The following RIPPLY3 variants were observed in gnomAD, a reference collection of about 807,000 sequenced individuals.
RIPPLY3 encodes the protein protein ripply3.
RIPPLY3 carries 8 observed loss-of-function variants against 11.9 expected under a neutral mutation model. That is an observed-to-expected ratio of 0.67 (90% CI 0.40 to 1.21). The LOEUF (loss-of-function observed/expected upper bound fraction) is 1.21, where lower values mean the gene tolerates loss of function less well. Ranked by LOEUF, RIPPLY3 falls within the 50% of genes most tolerant of loss-of-function variation. RIPPLY3 has a pLI of 0.01. For missense variants in RIPPLY3, 271 were observed against 246.0 expected (o/e 1.10, Z -0.68); for synonymous variants, 102 against 99.0 (o/e 1.03, Z -0.18).
Position 37,018,054 on chromosome 21 carries a change from G to T in RIPPLY3, c.420G>T (p.Val140=). 1 of 1,614,098 alleles carries T rather than the reference G, an allele frequency of 6.2e-7. No individual in the cohort carries two copies. ...CCCTCCATCTTCTGCCCCAGGAGGT[G>T]GGAGGTCGGCAGGAAAATGGCCCAG... The part of the protein sequence containing the change: ...PPPLHLLPQE[V]GGRQENGPGG... The change falls in exon 4 of 4, where the codon GTG becomes GTT. Residue 140 remains valine, a synonymous_variant. Coordinates refer to ENST00000329553, the MANE Select transcript of RIPPLY3 (RefSeq NM_018962.3).
At chr21:37,010,253 A>G (rs2146773994) in intron 2 of RIPPLY3, among the ~76,000 whole-genome samples, 1 of 152,260 alleles carries the variant, frequency 6.6e-6, no homozygotes, top group South Asian at 2.1e-4. Flanking sequence ...GCACTTTGGG[A>G]GGCCGAGGCG....
At chr21:37,013,792 C>T (rs1388622991) in intron 3 of RIPPLY3, among the ~76,000 whole-genome samples, 174 bp downstream of exon 3, 2 of 152,040 alleles carry the variant, frequency 1.3e-5, no homozygotes, top group Non-Finnish European at 2.9e-5. Context: ...TTCTGGAATC[C>T]ATTCATGTAT....
chr21:37,012,003 T>C (rs1467591416), intron 2 of RIPPLY3, among the ~76,000 whole-genome samples: 1 of 149,274 alleles, frequency 6.7e-6, no homozygotes, highest in African/African-American at 2.5e-5. Context: ...TACAGGCGAA[T>C]TTGCTCATAT....
chr21:37,007,011 G>T lies in RIPPLY3; in HGVS notation c.104+135G>T, dbSNP rs2146771144. 3 of 486,880 alleles carry T rather than the reference G, an allele frequency of 6.2e-6. No homozygotes were observed. The South Asian group carries it at 3.2e-4, about 52-fold the overall frequency. 30.2% of individuals were successfully genotyped at this position (486,880 alleles called of 1,614,324 possible). A position where few individuals can be genotyped will look rare whatever the true frequency, so the allele number is the denominator to read the frequency against. On this transcript the variant is annotated intron_variant, in intron 1 of 3. Transcript: ENST00000329553. Reference sequence around the variant, plus strand: ...CGGAGCTCCGGAGCTCGACGGCGACGCCAAGCAAGCTCCTGAGCCGGCAGC... The same window carrying T: ...CGGAGCTCCGGAGCTCGACGGCGACTCCAAGCAAGCTCCTGAGCCGGCAGC...
At chr21:37,007,218 C>G (rs1422978123) in intron 1 of RIPPLY3, among the ~76,000 whole-genome samples, 1 of 152,226 alleles carries the variant, frequency 6.6e-6, no homozygotes, top group Middle Eastern at 3.4e-3. Context: ...CAATCTCTCA[C>G]CTTGCTACTT....
intron 2 of RIPPLY3, among the ~76,000 whole-genome samples, chr21:37,013,292 TC>T (rs1569286731): frequency 6.6e-6 from 1 of 152,170 alleles, no homozygotes; most frequent in Non-Finnish European, 1.5e-5. Flanking sequence ...TGCGTCTCTG[TC>T]CATTAGATTG....
rs2069595977 is a variant in RIPPLY3, at chr21:37,017,959, A to G, written c.325A>G (p.Ile109Val). ...GGCCAGTTTCCCAGTGCAAGCCACG[A>G]TTGACTTCTACGACGATGAGTCTAC... ...VLASFPVQATIDFYDDESTES... is the reference protein window; with the variant it reads ...VLASFPVQATVDFYDDESTES... Residue 109 changes from isoleucine to valine, a missense_variant, in exon 4 of 4, where the codon ATT becomes GTT. Transcript: ENST00000329553. The G allele has an allele frequency of 6.2e-7, 1 of 1,614,180 alleles. No homozygotes were observed. Among genetic ancestry groups the G allele is most frequent in the African/African-American group, 1.3e-5 (1 of 75,044 alleles).
At chr21:37,012,212 T>TTTTTTA (rs773284506) in intron 2 of RIPPLY3, among the ~76,000 whole-genome samples, 7,200 of 132,492 alleles carry the variant, frequency 0.054, 206 homozygotes, top group South Asian at 0.082. Flanking sequence ...CCGCTCCTTA[T>TTTTTTA]TTATTATTAT....
intron 3 of RIPPLY3, 123 bp downstream of exon 3, chr21:37,013,741 G>C (rs1353875831): frequency 4.5e-6 from 3 of 660,094 alleles, no homozygotes; most frequent in Non-Finnish European, 7.6e-6. Flanking sequence ...GTATTCTTTG[G>C]TATTGTTTAG....
At chr21:37,016,657 C>T (rs1299846650) in intron 3 of RIPPLY3, among the ~76,000 whole-genome samples, 2 of 152,048 alleles carry the variant, frequency 1.3e-5, no homozygotes, top group East Asian at 3.9e-4. Flanking sequence ...TATGGCGAAA[C>T]CCTGTCTCTA....
At chr21:37,006,373 A>C (rs1601093031), upstream of RIPPLY3, 4 of 157,874 alleles carry the variant, frequency 2.5e-5, no homozygotes, top group Admixed American at 1.3e-4. The surrounding 1 kb of genome is among the most constrained non-coding windows in gnomAD (Gnocchi z 5.2). Flanking sequence ...AATCCCTGGT[A>C]CCTCCATCCT....
chr21:37,008,308 T>A (rs1261759371), intron 2 of RIPPLY3, 85 bp downstream of exon 2: 10 of 1,418,110 alleles, frequency 7.1e-6, no homozygotes, highest in Non-Finnish European at 7.9e-6. Context: ...GTGAATGGCC[T>A]TCTGCGCAGG....
chr21:37,008,052 C>G (rs1196284511), intron 1 of RIPPLY3, 105 bp from the exon 2 acceptor site: 1 of 1,182,262 alleles, frequency 8.5e-7, no homozygotes, highest in Non-Finnish European at 1.2e-6. Flanking sequence ...GGGTCCGGTG[C>G]CTCTTTTTCA....
rs1442920453 is a variant in RIPPLY3 at position 37,006,890 on chromosome 21, C to G, written c.104+14C>G. 8 of 1,206,666 alleles carry G rather than the reference C, an allele frequency of 6.6e-6. No individual in the cohort carries two copies. Among genetic ancestry groups the G allele is most frequent in the Admixed American group, 4.3e-5 (1 of 23,174 alleles). 74.7% of individuals were successfully genotyped at this position (1,206,666 alleles called of 1,614,324 possible). A position where few individuals can be genotyped will look rare whatever the true frequency, so the allele number is the denominator to read the frequency against. ...CGGGCCGGAGAGGTGAGGGTGGCCCCGCGCCCCGGTGGACGCGCTGAGAGG... is the reference window on the plus strand; with the variant it reads ...CGGGCCGGAGAGGTGAGGGTGGCCCGGCGCCCCGGTGGACGCGCTGAGAGG... On this transcript the variant is annotated intron_variant, in intron 1 of 3. Coordinates refer to ENST00000329553, the MANE Select transcript of RIPPLY3 (RefSeq NM_018962.3). The surrounding 1 kb of genome is among the most constrained non-coding windows in gnomAD (Gnocchi z 5.2).
chr21:37,007,513 A>G (rs964297722), intron 1 of RIPPLY3, among the ~76,000 whole-genome samples: 2 of 141,934 alleles, frequency 1.4e-5, no homozygotes, highest in East Asian at 2.1e-4. Flanking sequence ...GGTTCAAGCG[A>G]TTTTCCTGCC....
intron 2 of RIPPLY3, among the ~76,000 whole-genome samples, chr21:37,008,794 A>G (rs1004670849): frequency 6.8e-6 from 1 of 146,780 alleles, no homozygotes; most frequent in Non-Finnish European, 1.5e-5. Context: ...TAGTCGTTTC[A>G]TGGGAATTAT....
At chr21:37,013,438 G>A in intron 2 of RIPPLY3, 113 bp from the exon 3 acceptor site, 1 of 747,502 alleles carries the variant, frequency 1.3e-6, no homozygotes, top group Non-Finnish European at 2.3e-6. Context: ...CTCTAAAATT[G>A]GTATTGATAT....
Position 37,018,019 on chromosome 21 carries a change from G to T in RIPPLY3, c.385G>T (p.Gly129Ter). Residue 129 changes from glycine to a stop codon, truncating the protein, a stop_gained, in exon 4 of 4, where the codon GGA (glycine) becomes TGA (stop). Coordinates refer to ENST00000329553, the MANE Select transcript of RIPPLY3 (RefSeq NM_018962.3). LOFTEE classifies it low-confidence loss of function (END_TRUNC). ...SASEAEEPEE[G>*]PPPLHLLPQE... ...TTCCGAAGCTGAAGAGCCAGAGGAAGGACCCCCACCCCTCCATCTTCTGCC... is the reference window on the plus strand; with the variant it reads ...TTCCGAAGCTGAAGAGCCAGAGGAATGACCCCCACCCCTCCATCTTCTGCC... The T allele has an allele frequency of 6.2e-7, 1 of 1,614,120 alleles. No individual in the cohort carries two copies. Among genetic ancestry groups the T allele is most frequent in the Middle Eastern group, 1.6e-4 (1 of 6,062 alleles).
intron 3 of RIPPLY3, among the ~76,000 whole-genome samples, chr21:37,013,938 A>G (rs2069552276): frequency 6.6e-6 from 1 of 152,224 alleles, no homozygotes; most frequent in Non-Finnish European, 1.5e-5. Flanking sequence ...TGCATATACA[A>G]AAACTTATAT....
Sources: gnomAD v4.1 joint callset for allele counts (sites outside exome capture counted in the v4.1 genomes callset) on GRCh38, gnomAD v4.1.1 for gene constraint, Gnocchi (gnomAD v3.1) non-coding constraint, MANE v1.5 for transcripts, NCBI Gene and HGNC (gene_info 2026-07-23, HGNC 2026-07-21) for gene names.